Variants in CREB3L2 observed in about 807,000 individuals in gnomAD.
The protein encoded by CREB3L2 is cAMP responsive element binding protein 3 like 2.
Under a neutral mutation model 57.2 loss-of-function variants are expected in CREB3L2, and 23 were observed. The ratio of observed to expected loss-of-function variants is 0.40; its 90% CI spans 0.29 to 0.57. The LOEUF (loss-of-function observed/expected upper bound fraction) is 0.57. Among genes scored for constraint, CREB3L2 ranks in the 20% least tolerant of loss-of-function variants. The pLI, the probability that CREB3L2 is intolerant of heterozygous loss-of-function variation, is 0.42. For synonymous variants in CREB3L2, 268 were observed against 265.1 expected (o/e 1.01, Z -0.11); for missense variants, 628 against 634.7 (o/e 0.99, Z 0.11).
intron 1 of CREB3L2, among the ~76,000 whole-genome samples, chr7:137,964,121 G>A (rs1801369231): frequency 6.6e-6 from 1 of 152,086 alleles, no homozygotes; most frequent in African/African-American, 2.4e-5. Context: ...TCGTAGACCA[G>A]CCTGGCCAAC....
chr7:137,975,576 C>T (rs141594980), intron 1 of CREB3L2, among the ~76,000 whole-genome samples: 2,386 of 152,204 alleles, frequency 0.016, 20 homozygotes, highest in Non-Finnish European at 0.024. Flanking sequence ...CTGCACACTT[C>T]GGGGAGGACC....
At chr7:137,962,895 T>C (rs187900783) in intron 1 of CREB3L2, among the ~76,000 whole-genome samples, 37 of 152,058 alleles carry the variant, frequency 2.4e-4, no homozygotes, top group African/African-American at 8.7e-4. Context: ...CTCGCACTCA[T>C]CCCCCAGCAC....
At chr7:137,957,552 G>A (rs559438144) in intron 1 of CREB3L2, among the ~76,000 whole-genome samples, 4 of 151,880 alleles carry the variant, frequency 2.6e-5, no homozygotes, top group East Asian at 1.9e-4. Flanking sequence ...AGACTACTTC[G>A]CATCAGAAAA....
Position 137,901,345 on chromosome 7 carries a change from G to A in CREB3L2, c.1043+9C>T, listed in dbSNP as rs776907875. 1 of 1,536,078 alleles carries A rather than the reference G, an allele frequency of 6.5e-7. No homozygotes were observed. Among genetic ancestry groups the A allele is most frequent in the Non-Finnish European group, 9.0e-7 (1 of 1,110,410 alleles). ...TAGCGCAATCAGCTCTCAGTCCAGT[G>A]ACACTTACCTATTAGTGTTCTCTAG... On this transcript the variant is annotated intron_variant, in intron 8 of 11. Coordinates refer to ENST00000330387, the MANE Select transcript of CREB3L2 (RefSeq NM_194071.4).
At chr7:137,905,649 G>A in intron 6 of CREB3L2, 53 bp downstream of exon 6, 2 of 1,591,532 alleles carry the variant, frequency 1.3e-6, no homozygotes, top group South Asian at 2.2e-5. Context: ...AAGGGATGCT[G>A]ACTCGATTCT....
intron 8 of CREB3L2, 23 bp from the exon 9 acceptor site, chr7:137,885,525 T>C (rs1799399653): frequency 6.4e-7 from 1 of 1,568,676 alleles, no homozygotes; most frequent in East Asian, 2.2e-5. Flanking sequence ...ACAACAGCCG[T>C]GAGGGGAGTC....
At chr7:137,995,591 C>CG (rs1801977620) in intron 1 of CREB3L2, among the ~76,000 whole-genome samples, 6 of 152,226 alleles carry the variant, frequency 3.9e-5, no homozygotes, top group African/African-American at 1.4e-4. Context: ...CCTTGGCCCC[C>CG]CAAAGTGCTG....
At chr7:137,963,421 C>T (rs908124141) in intron 1 of CREB3L2, among the ~76,000 whole-genome samples, 1 of 152,214 alleles carries the variant, frequency 6.6e-6, no homozygotes, top group African/African-American at 2.4e-5. Context: ...TCAGGCACCT[C>T]GTACTTGACT....
intron 8 of CREB3L2, among the ~76,000 whole-genome samples, chr7:137,894,923 G>A (rs1216389590): frequency 6.6e-6 from 1 of 152,174 alleles, no homozygotes; most frequent in African/African-American, 2.4e-5. Context: ...ACCTCTAAAT[G>A]TTAAGATGAC....
At chr7:137,928,451 A>G in intron 1 of CREB3L2, 85 bp from the exon 2 acceptor site, 3 of 1,029,612 alleles carry the variant, frequency 2.9e-6, no homozygotes, top group Non-Finnish European at 3.0e-6. Flanking sequence ...TACCTCATCC[A>G]CTGCTCGATA....
rs1800995664 is a variant in CREB3L2, at chr7:137,946,840, TTATC to T, written c.103-18478_103-18475del. 3.9e-5 allele frequency among the ~76,000 whole-genome samples: 2 copies of T among 51,136 alleles called. 1 individual carries two copies. The allele number at this position is 51,136 out of a possible 152,430, so 33.5% of individuals were successfully genotyped here. ...TATCTATATAGTTATCTATATATAG[TTATC>T]TATATAGTTATCTATATAGTTATAT... On this transcript the variant is annotated intron_variant, in intron 1 of 11. Coordinates refer to ENST00000330387, the MANE Select transcript of CREB3L2 (RefSeq NM_194071.4).
chr7:137,987,791 C>T (rs1801817057), intron 1 of CREB3L2, among the ~76,000 whole-genome samples: 1 of 152,222 alleles, frequency 6.6e-6, no homozygotes, highest in African/African-American at 2.4e-5. Flanking sequence ...TCAGGCGATC[C>T]TCCCACCCCG....
At chr7:137,990,092 C>T (rs900215860) in intron 1 of CREB3L2, among the ~76,000 whole-genome samples, 4 of 152,212 alleles carry the variant, frequency 2.6e-5, no homozygotes, top group Non-Finnish European at 4.4e-5. Context: ...CACCTTCCCG[C>T]TTACAAAAGA....
intron 1 of CREB3L2, among the ~76,000 whole-genome samples, chr7:137,972,571 G>T (rs1460993206): frequency 6.8e-6 from 1 of 147,590 alleles, no homozygotes; most frequent in East Asian, 2.0e-4. Context: ...AGGAAGCCAG[G>T]TTTGGTGGCT....
chr7:137,924,221 C>T (rs750711826), intron 2 of CREB3L2, among the ~76,000 whole-genome samples: 11 of 152,318 alleles, frequency 7.2e-5, no homozygotes, highest in African/African-American at 2.6e-4. Flanking sequence ...TTGTTCCACC[C>T]TTGACTACAT....
At chr7:137,958,959 T>C (rs1298928184) in intron 1 of CREB3L2, among the ~76,000 whole-genome samples, 1 of 152,244 alleles carries the variant, frequency 6.6e-6, no homozygotes, top group Non-Finnish European at 1.5e-5. Context: ...CTTTTCAGTC[T>C]TCAAAATGCC....
Position 137,915,959 on chromosome 7 carries a change from T to A in CREB3L2, c.373A>T (p.Ile125Phe). 1 of 1,614,092 alleles carries A rather than the reference T, an allele frequency of 6.2e-7. No homozygotes were observed. The highest frequency in any genetic ancestry group is 8.5e-7 in the Non-Finnish European group (1 of 1,179,978). The part of the protein sequence containing the change: ...YLSTDFPSTS[I>F]KTEPVTDEPP... ...TCGTCTGTAACTGGCTCTGTCTTGA[T>A]GGATGTTGAAGGGAAGTCTGTAGAC... Residue 125 changes from isoleucine (I) to phenylalanine (F), a missense_variant, in exon 3 of 12, where the codon ATC becomes TTC. Ile to Phe is a conservative substitution (Grantham distance 21). Coordinates refer to ENST00000330387, the MANE Select transcript of CREB3L2 (RefSeq NM_194071.4).
intron 1 of CREB3L2, among the ~76,000 whole-genome samples, chr7:137,976,635 T>C (rs978875317): frequency 6.6e-6 from 1 of 152,224 alleles, no homozygotes; most frequent in Admixed American, 6.5e-5. Flanking sequence ...TTTTTATGCA[T>C]TACAGAGTAA....
In CREB3L2 at chr7:137,879,169, A is replaced by T. The variant is rs1467626350; in HGVS notation, c.*1307T>A. ...AACTACAAAAGTTACTTTTAACCAT[A>T]AAAAAAAAACAAAAAAACTAAAAGT... is the stretch of plus-strand genomic sequence containing the variant. On this transcript the variant is annotated 3_prime_UTR_variant, in exon 12 of 12. Coordinates refer to ENST00000330387, the MANE Select transcript of CREB3L2 (RefSeq NM_194071.4). 4.3e-6 allele frequency: 2 copies of T among 464,924 alleles called. No individual in the cohort carries two copies. The highest frequency in any genetic ancestry group is 8.0e-6 in the Non-Finnish European group (2 of 249,192). The allele number at this position is 464,924 out of a possible 1,614,324, so 28.8% of individuals were successfully genotyped here.
Sources: allele counts gnomAD v4.1 joint callset (sites outside exome capture counted in the v4.1 genomes callset), GRCh38; gene constraint gnomAD v4.1.1; transcripts MANE v1.5; gene names NCBI Gene and HGNC (gene_info 2026-07-23, HGNC 2026-07-21).